Variants in RHD observed in about 807,000 individuals in gnomAD.
The protein encoded by RHD is blood group Rh(D) polypeptide.
In RHD, 16 loss-of-function variants were observed where a neutral mutation model predicts 45.5. The observed-to-expected ratio is 0.35, with a 90% CI of 0.24 to 0.53. The LOEUF (loss-of-function observed/expected upper bound fraction) is 0.53, where lower values mean the gene tolerates loss of function less well. Ranked by LOEUF, RHD falls within the 20% of genes least tolerant of loss-of-function variation. The pLI is 0.92. For synonymous variants in RHD, 131 were observed against 217.5 expected (o/e 0.60, Z 3.50); for missense variants, 306 against 532.0 (o/e 0.58, Z 4.18).
chr1:25,286,140 T>C (rs1370057251), intron 2 of RHD, among the ~76,000 whole-genome samples: 1 of 135,216 alleles, frequency 7.4e-6, no homozygotes, highest in Non-Finnish European at 1.8e-5. Context: ...AAACACAGTC[T>C]AGCCAGCTCC....
Position 25,328,939 on chromosome 1 carries a change from G to C in RHD, c.*15G>C, listed in dbSNP as rs1330027226. On this transcript the variant is annotated 3_prime_UTR_variant, in exon 10 of 10. Coordinates refer to ENST00000328664, the MANE Select transcript of RHD (RefSeq NM_016124.6). ...TTGGATTTTAAGCAAAAGCATCCAAGAAAAACAAGGCCTGTTCAAAAACAA... is the reference window on the plus strand; with the variant it reads ...TTGGATTTTAAGCAAAAGCATCCAACAAAAACAAGGCCTGTTCAAAAACAA... 4 of 1,319,510 alleles carry C rather than the reference G, an allele frequency of 3.0e-6. No individual in the cohort carries two copies. Among genetic ancestry groups the C allele is most frequent in the Non-Finnish European group, 4.3e-6 (4 of 931,996 alleles). The allele number at this position is 1,319,510 out of a possible 1,614,324, so 81.7% of individuals were successfully genotyped here.
rs1485135341 is a variant in RHD at position 25,292,323 on chromosome 1, A to G, written c.486+1532A>G. 1.5e-5 allele frequency among the ~76,000 whole-genome samples: 2 copies of G among 132,876 alleles called. 1 individual carries two copies. Among genetic ancestry groups the G allele is most frequent in the East Asian group, 3.9e-4 (2 of 5,132 alleles). The allele number at this position is 132,876 out of a possible 152,430, so 87.2% of individuals were successfully genotyped here. A position where few individuals can be genotyped will look rare whatever the true frequency, so the allele number is the denominator to read the frequency against. ...TTAAGATACTCTGGCTTCTGGGTTC[A>G]GAAAAGACTGAAGGGGCAAGAGAGG... On this transcript the variant is annotated intron_variant, in intron 3 of 9. Coordinates refer to ENST00000328664, the MANE Select transcript of RHD (RefSeq NM_016124.6).
intron 6 of RHD, among the ~76,000 whole-genome samples, chr1:25,305,932 T>C (rs939524910): frequency 7.6e-6 from 1 of 131,668 alleles, no homozygotes; most frequent in African/African-American, 2.6e-5. Flanking sequence ...TAATAGGGAT[T>C]CTAAGGAAGG....
At chr1:25,305,162 GAGA>G (rs1419672621) in intron 6 of RHD, among the ~76,000 whole-genome samples, 1 of 131,198 alleles carries the variant, frequency 7.6e-6, no homozygotes, top group East Asian at 2.0e-4. Context: ...AGTGTTGACA[GAGA>G]AGTAGTATTA....
rs1367405694 is a variant in RHD, at chr1:25,316,635, A to AG, written c.1074-365_1074-364insG. On this transcript the variant is annotated intron_variant, in intron 7 of 9. Coordinates refer to ENST00000328664, the MANE Select transcript of RHD (RefSeq NM_016124.6). ...CAAAAACAGAAAAAAAAAAAAAAAA[A>AG]AGAGAGAGAGAGAAAACTGGAGGCT... Among the ~76,000 whole-genome samples the AG allele has an allele frequency of 7.0e-4, 84 of 119,510 alleles. 8 individuals carry two copies. Among genetic ancestry groups the AG allele is most frequent in the African/African-American group, 1.4e-3 (51 of 35,582 alleles). The allele number at this position is 119,510 out of a possible 152,430, so 78.4% of individuals were successfully genotyped here. A position where few individuals can be genotyped will look rare whatever the true frequency, so the allele number is the denominator to read the frequency against.
At position 25,307,112 on chromosome 1, in the gene RHD, C is replaced by A. The variant is rs769648227; in HGVS notation, c.1073+383C>A. Among the ~76,000 whole-genome samples the A allele has an allele frequency of 2.0e-4, 27 of 132,742 alleles. 9 individuals carry two copies. The highest frequency in any genetic ancestry group is 3.9e-4 in the Non-Finnish European group (22 of 56,102). 87.1% of individuals were successfully genotyped at this position (132,742 alleles called of 152,430 possible). On this transcript the variant is annotated intron_variant, in intron 7 of 9. Transcript: ENST00000328664. ...GCTGGGCATGTGGCTTAACCTTTCTCAGCCTCAGTCGCCCCATTGTAAATG... is the reference window on the plus strand; with the variant it reads ...GCTGGGCATGTGGCTTAACCTTTCTAAGCCTCAGTCGCCCCATTGTAAATG...
chr1:25,329,297 T>G lies in RHD; in HGVS notation c.*373T>G, dbSNP rs1644939930. 2.2e-6 allele frequency: 1 copy of G among 449,888 alleles called. No homozygotes were observed. Among genetic ancestry groups the G allele is most frequent in the African/African-American group, 2.4e-5 (1 of 42,094 alleles). 27.9% of individuals were successfully genotyped at this position (449,888 alleles called of 1,614,324 possible). On this transcript the variant is annotated 3_prime_UTR_variant, in exon 10 of 10. Transcript: ENST00000328664. Reference sequence around the variant, plus strand: ...TCTTACTCTGTCACCCAGGCTAGAGTGCAATGGCACCATCTTGGCTCACTG... The same window carrying G: ...TCTTACTCTGTCACCCAGGCTAGAGGGCAATGGCACCATCTTGGCTCACTG...
chr1:25,303,191 A>C (rs374690350), intron 5 of RHD, 131 bp from the exon 6 acceptor site: 1 of 994,846 alleles, frequency 1.0e-6, no homozygotes, highest in South Asian at 1.3e-5. Flanking sequence ...ACAGGGGAGA[A>C]GTGGTTTCAG....
At chr1:25,285,292 G>A (rs543413383) in intron 2 of RHD, among the ~76,000 whole-genome samples, 8 of 133,916 alleles carry the variant, frequency 6.0e-5, no homozygotes, top group East Asian at 3.9e-4. Flanking sequence ...GTGCCACCGC[G>A]CCTGGCTGAT....
chr1:25,305,583 T>TTTGTTGTTG lies in RHD; in HGVS notation c.940-985_940-977dup, dbSNP rs200713124. Reference sequence around the variant, plus strand: ...GGCTAATTTTCGTGTGTGTATGTATTTTGTTGTTGTTGTTGTTGTTGTTGT... The same window carrying TTTGTTGTTG: ...GGCTAATTTTCGTGTGTGTATGTATTTTGTTGTTGTTGTTGTTGTTGTTGTTGTTGTTGT... On this transcript the variant is annotated intron_variant, in intron 6 of 9. Coordinates refer to ENST00000328664, the MANE Select transcript of RHD (RefSeq NM_016124.6). 2.8e-3 allele frequency among the ~76,000 whole-genome samples: 331 copies of TTTGTTGTTG among 118,916 alleles called. 37 individuals are homozygous for TTTGTTGTTG. Among genetic ancestry groups the TTTGTTGTTG allele is most frequent in the African/African-American group, 7.3e-3 (247 of 33,962 alleles). The allele number at this position is 118,916 out of a possible 152,430, so 78.0% of individuals were successfully genotyped here. A position where few individuals can be genotyped will look rare whatever the true frequency, so the allele number is the denominator to read the frequency against.
intron 1 of RHD, among the ~76,000 whole-genome samples, chr1:25,277,940 C>T (rs1641158602): frequency 7.5e-6 from 1 of 133,364 alleles, no homozygotes; most frequent in South Asian, 2.3e-4. Context: ...TCCCAAAGTG[C>T]TGGGATTACA....
chr1:25,306,461 G>C lies in RHD; in HGVS notation c.940-135G>C. On this transcript the variant is annotated intron_variant, in intron 6 of 9. Coordinates refer to ENST00000328664, the MANE Select transcript of RHD (RefSeq NM_016124.6). ...ATGATGTGAGTGCACATTCAAGTCTGAGAAGGGCTTCTTTGAGGTGAGCCT... is the reference window on the plus strand; with the variant it reads ...ATGATGTGAGTGCACATTCAAGTCTCAGAAGGGCTTCTTTGAGGTGAGCCT... 2 of 877,450 alleles carry C rather than the reference G, an allele frequency of 2.3e-6. 1 individual carries two copies. Among genetic ancestry groups the C allele is most frequent in the Non-Finnish European group, 3.7e-6 (2 of 537,376 alleles). 54.4% of individuals were successfully genotyped at this position (877,450 alleles called of 1,614,324 possible). A position where few individuals can be genotyped will look rare whatever the true frequency, so the allele number is the denominator to read the frequency against.
intron 7 of RHD, among the ~76,000 whole-genome samples, chr1:25,316,371 G>A (rs1478814952): frequency 7.7e-6 from 1 of 129,666 alleles, no homozygotes; most frequent in Non-Finnish European, 1.8e-5. Context: ...TGTAATCCCA[G>A]CACTTTGGGA....
chr1:25,322,085 T>C, intron 9 of RHD, 123 bp downstream of exon 9: 1 of 539,878 alleles, frequency 1.9e-6, no homozygotes, highest in African/African-American at 1.9e-5. Context: ...TAAGGAGCAT[T>C]GCAGGAGGAA....
chr1:25,311,670 G>C (rs1207625418), intron 7 of RHD, among the ~76,000 whole-genome samples: 1 of 129,800 alleles, frequency 7.7e-6, no homozygotes, highest in East Asian at 2.0e-4. Flanking sequence ...AGCTCTAAGA[G>C]GGCAGAATGG....
In RHD at chr1:25,291,142, G is replaced by GGATAGATAGATAGATAGATA; in HGVS notation, c.486+357_486+358insTAGATAGATAGATAGATAGA. Among the ~76,000 whole-genome samples the GGATAGATAGATAGATAGATA allele has an allele frequency of 4.1e-4, 52 of 125,658 alleles. 2 individuals carry two copies. The highest frequency in any genetic ancestry group is 1.5e-3 in the African/African-American group (51 of 34,420). 82.4% of individuals were successfully genotyped at this position (125,658 alleles called of 152,430 possible). A position where few individuals can be genotyped will look rare whatever the true frequency, so the allele number is the denominator to read the frequency against. ...CTCATCTCTAAATAAATAGGTAGGT[G>GGATAGATAGATAGATAGATA]GATAGACAGATAGATAGATAGACAG... On this transcript the variant is annotated intron_variant, in intron 3 of 9. Coordinates refer to ENST00000328664, the MANE Select transcript of RHD (RefSeq NM_016124.6).
At position 25,273,134 on chromosome 1, in the gene RHD, C is replaced by T. The variant is rs1211224826; in HGVS notation, c.148+439C>T. 2.3e-5 allele frequency among the ~76,000 whole-genome samples: 3 copies of T among 129,482 alleles called. No individual in the cohort carries two copies. The East Asian group carries it at 5.9e-4, about 25-fold the overall frequency. The allele number at this position is 129,482 out of a possible 152,430, so 84.9% of individuals were successfully genotyped here. On this transcript the variant is annotated intron_variant, in intron 1 of 9. Transcript: ENST00000328664. ...TTTGTTTCCTTTTTGTGGCCTCTCG[C>T]TCATTTCTTATTTCTTTTTGAGGCA...
chr1:25,330,100 T>A lies in RHD; in HGVS notation c.*1176T>A, dbSNP rs1644969314. On this transcript the variant is annotated 3_prime_UTR_variant, in exon 10 of 10. Transcript: ENST00000328664. ...CAGACGGACAGCGTGTGGCAGTGTT[T>A]AAATGCTCTTCTGAAGGCTGATACG... is the stretch of plus-strand genomic sequence containing the variant. 1 of 132,814 alleles carries A rather than the reference T, an allele frequency of 7.5e-6. No individual in the cohort carries two copies. Among genetic ancestry groups the A allele is most frequent in the African/African-American group, 2.6e-5 (1 of 38,922 alleles). 8.2% of individuals were successfully genotyped at this position (132,814 alleles called of 1,614,324 possible).
chr1:25,300,974 T>C lies in RHD; in HGVS notation c.515T>C (p.Ile172Thr). ...GACTACCACATGAACATGATGCACA[T>C]CTACGTGTTCGCAGCCTATTTTGGG... The part of the protein sequence containing the change: ...NTDYHMNMMH[I>T]YVFAAYFGLS... The change falls in exon 4 of 10, where the codon ATC becomes ACC. Residue 172 changes from isoleucine to threonine, a missense_variant. Transcript: ENST00000328664. 1.5e-6 allele frequency: 2 copies of C among 1,378,648 alleles called. No individual in the cohort carries two copies. The highest frequency in any genetic ancestry group is 3.6e-5 in the Admixed American group (2 of 56,246). The allele number at this position is 1,378,648 out of a possible 1,614,324, so 85.4% of individuals were successfully genotyped here.
Sources: gnomAD v4.1 joint callset for allele counts (sites outside exome capture counted in the v4.1 genomes callset) on GRCh38, gnomAD v4.1.1 for gene constraint, MANE v1.5 for transcripts, NCBI Gene and HGNC (gene_info 2026-07-23, HGNC 2026-07-21) for gene names.